SPRY3: variants seen among roughly 807,000 people sequenced by gnomAD.
SPRY3 encodes sprouty RTK signaling antagonist 3.
In SPRY3, 15 loss-of-function variants were observed where a neutral mutation model predicts 20.2. That is an observed-to-expected ratio of 0.74 (90% CI 0.50 to 1.14). The LOEUF (loss-of-function observed/expected upper bound fraction) is 1.14. Among genes scored for constraint, SPRY3 ranks in the 50% most tolerant of loss-of-function variants. The pLI is 0.00. For missense variants in SPRY3, 364 were observed against 363.9 expected (o/e 1.00, Z 0.00); for synonymous variants, 143 against 136.5 (o/e 1.05, Z -0.33).
intron 1 of SPRY3, among the ~76,000 whole-genome samples, chrX:155,647,394 G>A (rs1429984030): frequency 9.1e-6 from 1 of 110,479 alleles, no homozygotes; most frequent in Non-Finnish European, 1.9e-5. Context: ...TGCCATGGTG[G>A]TTTGCTGTAC....
chrX:155,751,520 G>T (rs1347753625), intron 2 of SPRY3, among the ~76,000 whole-genome samples: 3 of 151,744 alleles, frequency 2.0e-5, no homozygotes, highest in African/African-American at 7.3e-5. Context: ...GCATCTTACT[G>T]GTAGAACATA....
chrX:155,696,730 C>T (rs2068120112), intron 2 of SPRY3, among the ~76,000 whole-genome samples: 1 of 111,618 alleles, frequency 9.0e-6, no homozygotes, highest in African/African-American at 3.3e-5. Flanking sequence ...CAGGGTTTTA[C>T]CCCATAATTC....
At chrX:155,673,217 TA>T (rs1321935023) in intron 2 of SPRY3, among the ~76,000 whole-genome samples, 8 of 102,874 alleles carry the variant, frequency 7.8e-5, no homozygotes, top group East Asian at 3.0e-4. Flanking sequence ...AGTAAAATAA[TA>T]AAAAAAATTA....
intron 2 of SPRY3, among the ~76,000 whole-genome samples, chrX:155,705,719 A>G (rs1439390338): frequency 6.6e-6 from 1 of 151,376 alleles, no homozygotes; most frequent in Admixed American, 6.6e-5. Flanking sequence ...TAGCTATGCT[A>G]ATATTAGACA....
chrX:155,762,580 G>T (rs1161835138), intron 2 of SPRY3, among the ~76,000 whole-genome samples: 2 of 152,126 alleles, frequency 1.3e-5, no homozygotes, highest in Non-Finnish European at 2.9e-5. Flanking sequence ...TAAAGCATTT[G>T]TGATGTCATC....
intron 2 of SPRY3, among the ~76,000 whole-genome samples, chrX:155,711,226 G>A: frequency 6.6e-6 from 1 of 151,760 alleles, no homozygotes; most frequent in Middle Eastern, 3.4e-3. Context: ...AGTTTGAGTA[G>A]GATTGGTATT....
chrX:155,779,665 A>G (rs1318497973), downstream of SPRY3: 1 of 167,056 alleles, frequency 6.0e-6, no homozygotes, highest in Non-Finnish European at 1.5e-5. Flanking sequence ...AAACTGGTTA[A>G]GTCAATAAAT....
chrX:155,738,581 C>T (rs2091184100), intron 2 of SPRY3, among the ~76,000 whole-genome samples: 1 of 152,144 alleles, frequency 6.6e-6, no homozygotes, highest in African/African-American at 2.4e-5. Context: ...GCAAGGAAAG[C>T]AGGGTGGGGT....
intron 2 of SPRY3, among the ~76,000 whole-genome samples, chrX:155,736,736 T>A (rs745481992): frequency 6.6e-6 from 1 of 152,210 alleles, no homozygotes; most frequent in African/African-American, 2.4e-5. Context: ...TGGTTTGGTA[T>A]CTGTTAATAA....
At chrX:155,770,732 G>A (rs2091375365) in intron 3 of SPRY3, among the ~76,000 whole-genome samples, 1 of 151,414 alleles carries the variant, frequency 6.6e-6, no homozygotes, top group Admixed American at 6.6e-5. Context: ...CTCTTTAGTG[G>A]GTGGATTTCT....
chrX:155,767,536 G>A lies in SPRY3; in HGVS notation c.-281-426G>A, dbSNP rs185137939. ...TGGAGGAGAGGGAGACCAAGGTGGA[G>A]GCGGAGGCGGAGGCGAAAGAGGAGG... is the stretch of plus-strand genomic sequence containing the variant. On this transcript the variant is annotated intron_variant, in intron 2 of 3. Transcript: ENST00000675360. 1.9e-3 allele frequency among the ~76,000 whole-genome samples: 284 copies of A among 151,630 alleles called. 2 individuals are homozygous for A. Among genetic ancestry groups the A allele is most frequent in the Non-Finnish European group, 3.1e-3 (208 of 67,908 alleles).
chrX:155,779,887 C>G (rs2091453393), downstream of SPRY3: 1 of 166,950 alleles, frequency 6.0e-6, no homozygotes, highest in Admixed American at 6.6e-5. Context: ...CCATTTGGAC[C>G]TTTGGCCGAA....
At chrX:155,680,521 A>G (rs2068071582) in intron 2 of SPRY3, among the ~76,000 whole-genome samples, 1 of 110,917 alleles carries the variant, frequency 9.0e-6, no homozygotes, top group African/African-American at 3.3e-5. Flanking sequence ...GGATGGCAGG[A>G]TTGTTTGCTG....
chrX:155,707,116 T>C (rs1313275812), intron 2 of SPRY3, among the ~76,000 whole-genome samples: 1 of 151,208 alleles, frequency 6.6e-6, no homozygotes, highest in East Asian at 1.9e-4. Flanking sequence ...TTCATTATGA[T>C]AAAGAGTTTA....
chrX:155,729,490 A>C (rs306911), intron 2 of SPRY3, among the ~76,000 whole-genome samples: 19,696 of 152,092 alleles, frequency 0.13, 2,190 homozygotes, highest in African/African-American at 0.31. Context: ...ATTAAGAAGA[A>C]AATTTAAAAA....
At chrX:155,664,681 A>G (rs183760570) in intron 2 of SPRY3, among the ~76,000 whole-genome samples, 3 of 110,523 alleles carry the variant, frequency 2.7e-5, no homozygotes, top group African/African-American at 9.8e-5. Context: ...AATTAGATCA[A>G]TACTTTACAC....
chrX:155,774,936 C>G (rs1816009197), exon 4 of SPRY3: 1 of 640,570 alleles, frequency 1.6e-6, no homozygotes, highest in East Asian at 2.7e-5. Context: ...CTATCCCACT[C>G]CTCTTCAGTC....
At chrX:155,672,680 A>G (rs1438397701) in intron 2 of SPRY3, among the ~76,000 whole-genome samples, 1 of 108,221 alleles carries the variant, frequency 9.2e-6, no homozygotes, top group South Asian at 4.0e-4. Flanking sequence ...ATCTAGAACT[A>G]GAAATACCAT....
intron 2 of SPRY3, among the ~76,000 whole-genome samples, chrX:155,756,732 A>G (rs1343554664): frequency 6.6e-6 from 1 of 152,160 alleles, no homozygotes; most frequent in Non-Finnish European, 1.5e-5. Context: ...GTTCATAGGT[A>G]CAATGCCATC....
Sources: allele counts gnomAD v4.1 joint callset (sites outside exome capture counted in the v4.1 genomes callset), GRCh38; gene constraint gnomAD v4.1.1; transcripts MANE v1.5; gene names NCBI Gene and HGNC (gene_info 2026-07-23, HGNC 2026-07-21).